PTPRA: variants seen among roughly 807,000 people sequenced by gnomAD.
The protein encoded by PTPRA is protein tyrosine phosphatase receptor type A.
PTPRA carries 25 observed loss-of-function variants against 104.8 expected under a neutral mutation model. The observed-to-expected ratio is 0.24, with a 90% CI of 0.17 to 0.33. PTPRA has a LOEUF of 0.33. PTPRA is among the 10% of genes least tolerant of loss of function. PTPRA has a pLI of 1.00. For missense variants in PTPRA, 765 were observed against 1,015.3 expected, an observed-to-expected ratio of 0.75 and a Z score of 3.35; for synonymous variants, 323 against 368.9, an observed-to-expected ratio of 0.88 and a Z score of 1.43.
At chr20:3,015,759 T>G in intron 11 of PTPRA, 90 bp from the exon 12 acceptor site, 1 of 1,107,426 alleles carries the variant, frequency 9.0e-7, no homozygotes, top group Non-Finnish European at 1.3e-6. Context: ...ATTTTCAGGT[T>G]TTGTTAACTG....
chr20:2,980,684 C>G lies in PTPRA; in HGVS notation c.442+5443C>G, dbSNP rs561356260. ...GGGCAACAACAAGACCCCCTCCCCC[C>G]ATCTCTACAAAAAATTTAAGAAAAA... is the stretch of plus-strand genomic sequence containing the variant. On this transcript the variant is annotated intron_variant, in intron 6 of 23. Transcript: ENST00000399903. Among the ~76,000 whole-genome samples, 17 of 152,268 alleles carry G rather than the reference C, an allele frequency of 1.1e-4. No homozygotes were observed. In the South Asian group the frequency reaches 3.3e-3, roughly 30 times the overall value.
chr20:2,945,941 CGT>C (rs958794055), intron 2 of PTPRA, among the ~76,000 whole-genome samples: 1 of 150,406 alleles, frequency 6.6e-6, no homozygotes, highest in Non-Finnish European at 1.5e-5. Context: ...TATATATATG[CGT>C]GTGTGTATAT....
At chr20:2,996,122 A>C (rs1393839194) in intron 9 of PTPRA, among the ~76,000 whole-genome samples, 1 of 152,236 alleles carries the variant, frequency 6.6e-6, no homozygotes, top group Non-Finnish European at 1.5e-5. Flanking sequence ...TCCTCTAGTT[A>C]AAAGCAAGAG....
chr20:2,924,561 G>A (rs1311290022), intron 2 of PTPRA, among the ~76,000 whole-genome samples: 5 of 152,146 alleles, frequency 3.3e-5, no homozygotes, highest in South Asian at 4.1e-4. Flanking sequence ...AGTAGATGTA[G>A]CAGAATTACC....
At chr20:2,968,272 C>G (rs1263962491) in intron 5 of PTPRA, among the ~76,000 whole-genome samples, 1 of 152,128 alleles carries the variant, frequency 6.6e-6, no homozygotes, top group East Asian at 1.9e-4. Context: ...TAACTGACAC[C>G]TGTTTACCAG....
intron 6 of PTPRA, among the ~76,000 whole-genome samples, chr20:2,978,394 G>A (rs2062531878): frequency 1.3e-5 from 2 of 152,100 alleles, no homozygotes; most frequent in Admixed American, 1.3e-4. Flanking sequence ...TTACAACCTT[G>A]CCTTTGAGAG....
chr20:2,987,203 C>T (rs1204604099), intron 7 of PTPRA, among the ~76,000 whole-genome samples: 1 of 151,892 alleles, frequency 6.6e-6, no homozygotes, highest in East Asian at 1.9e-4. Context: ...TGAAGCAACC[C>T]CTAAAAGGGC....
At chr20:3,003,059 A>C (rs532324735) in intron 9 of PTPRA, among the ~76,000 whole-genome samples, 1 of 152,130 alleles carries the variant, frequency 6.6e-6, no homozygotes, top group Non-Finnish European at 1.5e-5. Context: ...CTGTAATCCA[A>C]ATTTGGTGCT....
chr20:2,883,374 C>T lies in PTPRA; in HGVS notation c.-129+9614C>T, dbSNP rs187867739. Among the ~76,000 whole-genome samples the T allele has an allele frequency of 4.8e-4, 11 of 22,862 alleles. 4 individuals carry two copies. Among genetic ancestry groups the T allele is most frequent in the African/African-American group, 1.8e-3 (2 of 1,088 alleles). 15.0% of individuals were successfully genotyped at this position (22,862 alleles called of 152,430 possible). The stretch of plus-strand genomic sequence containing the variant: ...TTTTCTTAGAAAGAAATGTGCAGGC[C>T]GGGCGCGGTGGCTCACGCCTGTAAT... On this transcript the variant is annotated intron_variant, in intron 1 of 23. Coordinates refer to ENST00000399903, the MANE Select transcript of PTPRA (RefSeq NM_001385305.1).
chr20:2,936,989 G>C (rs1230859210), intron 2 of PTPRA, among the ~76,000 whole-genome samples: 1 of 151,822 alleles, frequency 6.6e-6, no homozygotes, highest in East Asian at 1.9e-4. Flanking sequence ...TCTTTATAAA[G>C]TTTTTTGTGT....
Position 3,015,896 on chromosome 20 carries a change from GACA to G in PTPRA, c.943+14_943+16del, listed in dbSNP as rs758254961. The G allele has an allele frequency of 1.3e-6, 2 of 1,556,458 alleles. No individual in the cohort carries two copies. Among genetic ancestry groups the G allele is most frequent in the Non-Finnish European group, 1.8e-6 (2 of 1,128,142 alleles). On this transcript the variant is annotated intron_variant, in intron 12 of 23. Coordinates refer to ENST00000399903, the MANE Select transcript of PTPRA (RefSeq NM_001385305.1). ...TCATTGCTGCACAAGGTAAAGTAAT[GACA>G]ACTTTTTTCTGTTAGATTTAACCAT...
rs374809862 is a variant in PTPRA, at chr20:2,873,551, C to A, written c.-338C>A. 0.026 allele frequency: 3,883 copies of A among 151,682 alleles called. 72 individuals are homozygous for A. The highest frequency in any genetic ancestry group is 0.036 in the Non-Finnish European group (2,420 of 67,796). 9.4% of individuals were successfully genotyped at this position (151,682 alleles called of 1,614,324 possible). ...GCGCGCGCGCGATCGCGCTCGGACC[C>A]CGGCCGCTGCCGCCATCACTGTCGC... On this transcript the variant is annotated 5_prime_UTR_variant, in exon 1 of 24. Transcript: ENST00000399903. The surrounding 1 kb of genome is among the most constrained non-coding windows in gnomAD (Gnocchi z 4.4).
At chr20:2,924,903 T>C (rs750265221) in intron 2 of PTPRA, among the ~76,000 whole-genome samples, 1 of 152,110 alleles carries the variant, frequency 6.6e-6, no homozygotes. Context: ...ATGGTCTCGA[T>C]TGCCCAACCT....
At chr20:2,942,266 G>A (rs939396694) in intron 2 of PTPRA, among the ~76,000 whole-genome samples, 2 of 152,116 alleles carry the variant, frequency 1.3e-5, no homozygotes, top group African/African-American at 2.4e-5. Flanking sequence ...ACTTGATCAG[G>A]TTGTGGTATA....
intron 13 of PTPRA, among the ~76,000 whole-genome samples, chr20:3,018,533 G>A (rs2064595453): frequency 6.6e-6 from 1 of 151,610 alleles, no homozygotes; most frequent in Non-Finnish European, 1.5e-5. Flanking sequence ...GAGAGCACAG[G>A]GTTGGGGGTA....
chr20:3,014,897 A>G (rs1693380956), intron 11 of PTPRA, among the ~76,000 whole-genome samples: 1 of 152,226 alleles, frequency 6.6e-6, no homozygotes, highest in Non-Finnish European at 1.5e-5. Flanking sequence ...GACGTTGAAA[A>G]GATGTATAAC....
intron 9 of PTPRA, among the ~76,000 whole-genome samples, chr20:3,002,897 A>G (rs868318997): frequency 1.3e-5 from 2 of 152,170 alleles, no homozygotes; most frequent in African/African-American, 4.8e-5. Context: ...TCCTCCTGCC[A>G]TCCCCATCAA....
At chr20:2,943,493 CTT>C (rs2061006515) in intron 2 of PTPRA, among the ~76,000 whole-genome samples, 1 of 152,046 alleles carries the variant, frequency 6.6e-6, no homozygotes, top group Non-Finnish European at 1.5e-5. Flanking sequence ...GGAGGGCAAC[CTT>C]CTGTACTCAA....
chr20:2,910,168 T>TA (rs924713177), intron 1 of PTPRA, among the ~76,000 whole-genome samples: 10 of 122,904 alleles, frequency 8.1e-5, no homozygotes, highest in African/African-American at 3.2e-4. Flanking sequence ...TCATATATAA[T>TA]ATGACGTATA....
Sources: gnomAD v4.1 joint callset for allele counts (sites outside exome capture counted in the v4.1 genomes callset) on GRCh38, gnomAD v4.1.1 for gene constraint, Gnocchi (gnomAD v3.1) non-coding constraint, MANE v1.5 for transcripts, NCBI Gene and HGNC (gene_info 2026-07-23, HGNC 2026-07-21) for gene names.